Variants in PUDP observed in about 807,000 individuals in gnomAD.
PUDP encodes the protein pseudouridine 5'-phosphatase.
Under a neutral mutation model 9.4 loss-of-function variants are expected in PUDP, and 8 were observed. The observed-to-expected ratio is 0.85, with a 90% CI of 0.50 to 1.53. The LOEUF is 1.53. Ranked by LOEUF, PUDP falls within the 40% of genes most tolerant of loss-of-function variation. The pLI, the probability that PUDP is intolerant of heterozygous loss-of-function variation, is 0.00. For missense variants in PUDP, 188 were observed against 189.7 expected (o/e 0.99, Z 0.05); for synonymous variants, 99 against 80.7 (o/e 1.23, Z -1.22).
intron 3 of PUDP, among the ~76,000 whole-genome samples, chrX:6,832,906 G>T (rs1926524909): frequency 9.0e-6 from 1 of 110,733 alleles, no homozygotes; most frequent in Non-Finnish European, 1.9e-5. Context: ...AACCGGAGCT[G>T]AATCAAGATC....
At chrX:6,963,710 C>G (rs768849361) in intron 3 of PUDP, among the ~76,000 whole-genome samples, 4 of 111,971 alleles carry the variant, frequency 3.6e-5, no homozygotes, top group Non-Finnish European at 7.5e-5. Flanking sequence ...TGAGAGCAAA[C>G]AATGGGGACC....
intron 1 of PUDP, among the ~76,000 whole-genome samples, chrX:7,126,141 G>C (rs953414293): frequency 1.2e-4 from 14 of 112,127 alleles, no homozygotes; most frequent in African/African-American, 4.5e-4. Context: ...AGTACAAAGT[G>C]CTTCTCTCCT....
intron 3 of PUDP, among the ~76,000 whole-genome samples, chrX:6,737,383 A>G (rs1924885098): frequency 8.9e-6 from 1 of 111,991 alleles, no homozygotes. Flanking sequence ...TGCTTGGGGT[A>G]GGGAGTTGCA....
rs1931015158 is a variant in PUDP, at chrX:7,079,434, C to G, written c.281-1985G>C. 4.4e-5 allele frequency among the ~76,000 whole-genome samples: 5 copies of G among 112,476 alleles called. No individual in the cohort carries two copies. In the South Asian group the frequency reaches 1.8e-3, roughly 41 times the overall value. On this transcript the variant is annotated intron_variant, in intron 2 of 3. Coordinates refer to ENST00000381077, the MANE Select transcript of PUDP (RefSeq NM_012080.5). Reference sequence around the variant, plus strand: ...AGTAGACAGAAAAGAAGTAAGGACACAGCAGACTTCAGAACCACTGTCAAG... The same window carrying G: ...AGTAGACAGAAAAGAAGTAAGGACAGAGCAGACTTCAGAACCACTGTCAAG...
chrX:6,765,104 CAAA>C (rs202172369), intron 3 of PUDP, among the ~76,000 whole-genome samples: 1 of 86,983 alleles, frequency 1.1e-5, no homozygotes. Flanking sequence ...GCACCTCTAC[CAAA>C]AAAAAAAAAA....
intron 2 of PUDP, chrX:7,084,909 CG>C (rs1473050863): frequency 9.0e-6 from 1 of 111,554 alleles, no homozygotes; most frequent in Non-Finnish European, 1.9e-5. Context: ...AAATAGCATC[CG>C]GTTATCCGAG....
intron 1 of PUDP, among the ~76,000 whole-genome samples, chrX:6,994,746 G>A (rs1351707538): frequency 8.9e-6 from 1 of 111,822 alleles, no homozygotes; most frequent in Non-Finnish European, 1.9e-5. Context: ...GCTTGGCAAG[G>A]CTGGTTTACT....
chrX:6,709,482 A>G (rs898004192), intron 1 of PUDP, among the ~76,000 whole-genome samples: 1 of 111,935 alleles, frequency 8.9e-6, no homozygotes, highest in Admixed American at 9.5e-5. Context: ...TTGATCTCCC[A>G]GACAAAAGGA....
chrX:6,977,064 C>A (rs1323186184), intron 3 of PUDP, among the ~76,000 whole-genome samples: 1 of 112,224 alleles, frequency 8.9e-6, no homozygotes, highest in African/African-American at 3.2e-5. Flanking sequence ...TGTAAAAGAA[C>A]TCTTCCCACA....
At chrX:6,961,567 T>C (rs1312278928) in intron 3 of PUDP, among the ~76,000 whole-genome samples, 2 of 110,868 alleles carry the variant, frequency 1.8e-5, no homozygotes, top group African/African-American at 3.3e-5. Flanking sequence ...TAAGCAAATA[T>C]TAACCAAAAA....
intron 3 of PUDP, among the ~76,000 whole-genome samples, chrX:6,840,593 T>C (rs1926652545): frequency 9.0e-6 from 1 of 111,281 alleles, no homozygotes; most frequent in African/African-American, 3.3e-5. Flanking sequence ...CAGGAGTTAG[T>C]GGGGAGAAAA....
At chrX:7,120,681 A>G (rs1932318724) in intron 1 of PUDP, among the ~76,000 whole-genome samples, 1 of 112,527 alleles carries the variant, frequency 8.9e-6, no homozygotes, top group African/African-American at 3.2e-5. Context: ...AGAAAAGCCT[A>G]TGTTTACACA....
chrX:6,844,658 A>G (rs1219254851), intron 3 of PUDP, among the ~76,000 whole-genome samples: 2 of 112,265 alleles, frequency 1.8e-5, no homozygotes, highest in Non-Finnish European at 3.7e-5. Context: ...ATATAAACAC[A>G]GATATAGATA....
At chrX:7,093,807 T>C (rs1488345714) in intron 2 of PUDP, among the ~76,000 whole-genome samples, 5 of 111,957 alleles carry the variant, frequency 4.5e-5, no homozygotes, top group African/African-American at 6.5e-5. Flanking sequence ...CCACCACACA[T>C]TTAGAAACAG....
At chrX:7,117,631 G>A (rs1932231782) in intron 1 of PUDP, among the ~76,000 whole-genome samples, 1 of 113,044 alleles carries the variant, frequency 8.8e-6, no homozygotes. Flanking sequence ...TATGCTGCCT[G>A]GCCATGTGGC....
chrX:6,916,551 C>T (rs1253322069), intron 3 of PUDP, among the ~76,000 whole-genome samples: 1 of 111,017 alleles, frequency 9.0e-6, no homozygotes, highest in African/African-American at 3.3e-5. Flanking sequence ...GCATGTTTCC[C>T]TCGTCTTTAC....
At position 7,105,742 on chromosome X, in the gene PUDP, T is replaced by C. The variant is rs755645294; in HGVS notation, c.158A>G (p.Lys53Arg). ...WDVKSLVMGKKALEAAQIIID... is the reference protein window; with the variant it reads ...WDVKSLVMGKRALEAAQIIID... ...TATAATCTGTGCCGCCTCTAATGCCTTCTTACCCATAACCAGGGACTTTAC... is the reference window on the plus strand; with the variant it reads ...TATAATCTGTGCCGCCTCTAATGCCCTCTTACCCATAACCAGGGACTTTAC... Residue 53 changes from lysine (K) to arginine (R), a missense_variant, in exon 2 of 4, where the codon AAG becomes AGG. Lys to Arg is a conservative substitution (Grantham distance 26, BLOSUM62 2). Coordinates refer to ENST00000381077, the MANE Select transcript of PUDP (RefSeq NM_012080.5). 1 of 1,205,781 alleles carries C rather than the reference T, an allele frequency of 8.3e-7. No homozygotes were observed. The highest frequency in any genetic ancestry group is 3.0e-5 in the East Asian group (1 of 33,762).
At chrX:6,929,078 C>T (rs113798556) in intron 3 of PUDP, among the ~76,000 whole-genome samples, 2,936 of 111,924 alleles carry the variant, frequency 0.026, 42 homozygotes, top group African/African-American at 0.055. Flanking sequence ...ACGCCAGAAA[C>T]GAGAAGGCAA....
At chrX:7,077,511 C>T (rs1415640804) in intron 2 of PUDP, 62 bp from the exon 3 acceptor site, 3 of 861,115 alleles carry the variant, frequency 3.5e-6, no homozygotes, top group Non-Finnish European at 3.4e-6. Flanking sequence ...GACCTTCTTG[C>T]AGGGACAGTC....
Sources: gnomAD v4.1 joint callset for allele counts (sites outside exome capture counted in the v4.1 genomes callset) on GRCh38, gnomAD v4.1.1 for gene constraint, MANE v1.5 for transcripts, NCBI Gene and HGNC (gene_info 2026-07-23, HGNC 2026-07-21) for gene names.